MICAL3: variants seen among roughly 807,000 people sequenced by gnomAD.
MICAL3 encodes microtubule associated monooxygenase, calponin and LIM domain containing 3, also known as [F-actin]-monooxygenase MICAL3.
MICAL3 carries 62 observed loss-of-function variants against 207.4 expected under a neutral mutation model. That is an observed-to-expected ratio of 0.30 (90% CI 0.24 to 0.37). The LOEUF is 0.37. Among genes scored for constraint, MICAL3 ranks in the 10% least tolerant of loss-of-function variants. The probability of loss-of-function intolerance (pLI) is 1.00; values close to 1 mark genes in which losing one functional copy is unlikely to be tolerated. For missense variants in MICAL3, 2,368 were observed against 2,635.6 expected (o/e 0.90, Z 2.22); for synonymous variants, 1,077 against 1,069.3 (o/e 1.01, Z -0.14).
chr22:17,817,769 C>A lies in MICAL3; in HGVS notation c.4892G>T (p.Arg1631Met). Residue 1631 changes from arginine to methionine, a missense_variant, in exon 26 of 32, where the codon AGG becomes ATG. Transcript: ENST00000441493. ...GGGTGCTGAGGACGCCTTGCGGGGCCTGGGGGCGCCTGAGGCCAGCTCCAT... is the reference window on the plus strand; with the variant it reads ...GGGTGCTGAGGACGCCTTGCGGGGCATGGGGGCGCCTGAGGCCAGCTCCAT... ...QQMELASGAPRPRKASSAPSQ... is the reference protein window; with the variant it reads ...QQMELASGAPMPRKASSAPSQ... 6.3e-7 allele frequency: 1 copy of A among 1,595,648 alleles called. No homozygotes were observed. Among genetic ancestry groups the A allele is most frequent in the Non-Finnish European group, 8.5e-7 (1 of 1,170,682 alleles).
At chr22:17,903,733 C>T (rs1420942525) in intron 3 of MICAL3, among the ~76,000 whole-genome samples, 1 of 152,214 alleles carries the variant, frequency 6.6e-6, no homozygotes, top group East Asian at 1.9e-4. Context: ...GGGCAGAGGG[C>T]TTCCTCTGCC....
chr22:17,861,497 A>C (rs146414364), intron 19 of MICAL3: 21 of 985,266 alleles, frequency 2.1e-5, no homozygotes, highest in African/African-American at 3.5e-5. Flanking sequence ...TCCCTACTTC[A>C]TTTTTGGTCA....
chr22:17,807,355 C>A (rs2061999432), intron 29 of MICAL3, among the ~76,000 whole-genome samples: 1 of 152,236 alleles, frequency 6.6e-6, no homozygotes. Flanking sequence ...GGCAGGGGCA[C>A]CGCAGGTTCG....
intron 16 of MICAL3, among the ~76,000 whole-genome samples, chr22:17,885,377 G>T (rs1382645434): frequency 6.6e-6 from 1 of 152,050 alleles, no homozygotes; most frequent in Non-Finnish European, 1.5e-5. Context: ...GAACAACATG[G>T]GAACGCCTAC....
chr22:17,989,558 C>T (rs1921430099), intron 1 of MICAL3, among the ~76,000 whole-genome samples: 2 of 152,134 alleles, frequency 1.3e-5, no homozygotes, highest in African/African-American at 4.8e-5. Context: ...ATGCTGCTCA[C>T]GCTCAACCCT....
intron 29 of MICAL3, among the ~76,000 whole-genome samples, chr22:17,805,175 C>T (rs2061977553): frequency 6.6e-6 from 1 of 152,224 alleles, no homozygotes; most frequent in Non-Finnish European, 1.5e-5. Flanking sequence ...GGGCAGACTG[C>T]CATGATGAGA....
At chr22:17,962,264 C>T (rs1020973840) in intron 1 of MICAL3, among the ~76,000 whole-genome samples, 2 of 152,214 alleles carry the variant, frequency 1.3e-5, no homozygotes, top group Admixed American at 6.5e-5. Flanking sequence ...ATGTCCTCAA[C>T]TGGGCAGGCA....
intron 7 of MICAL3, 44 bp from the exon 8 acceptor site, chr22:17,897,025 C>G: frequency 6.4e-7 from 1 of 1,568,152 alleles, no homozygotes. Context: ...GAAGCTCTGG[C>G]ACTCAGCCAG....
At chr22:17,947,568 A>AT (rs1470848871) in intron 1 of MICAL3, among the ~76,000 whole-genome samples, 2 of 152,052 alleles carry the variant, frequency 1.3e-5, no homozygotes, top group Non-Finnish European at 2.9e-5. Context: ...TCAAGATCAA[A>AT]TTTTTATCTT....
At chr22:17,933,984 G>A (rs990188762) in intron 1 of MICAL3, among the ~76,000 whole-genome samples, 1 of 152,082 alleles carries the variant, frequency 6.6e-6, no homozygotes, top group African/African-American at 2.4e-5. Context: ...GTAATTAACA[G>A]CCTAGCAACC....
intron 1 of MICAL3, among the ~76,000 whole-genome samples, chr22:17,925,161 A>C (rs907699453): frequency 6.6e-6 from 1 of 152,140 alleles, no homozygotes; most frequent in African/African-American, 2.4e-5. Context: ...AGCACCTGAG[A>C]GAGCAAGGGG....
At position 17,845,692 on chromosome 22, in the gene MICAL3, A is replaced by G. The variant is rs555284118; in HGVS notation, c.2606-3675T>C. Among the ~76,000 whole-genome samples, 19 of 152,348 alleles carry G rather than the reference A, an allele frequency of 1.2e-4. No individual in the cohort carries two copies. The East Asian group carries it at 3.1e-3, about 25-fold the overall frequency. ...AGCCAAGATCTGAACATGAGGAGGA[A>G]AGGCATCACTCAGGAGATCACCATG... On this transcript the variant is annotated intron_variant, in intron 19 of 31. Transcript: ENST00000441493.
At chr22:17,895,601 G>A (rs912526542) in intron 9 of MICAL3, among the ~76,000 whole-genome samples, 191 bp from the exon 10 acceptor site, 7 of 151,894 alleles carry the variant, frequency 4.6e-5, no homozygotes, top group African/African-American at 1.7e-4. Flanking sequence ...CACAGGAACC[G>A]ACCGGGTAAG....
intron 20 of MICAL3, among the ~76,000 whole-genome samples, chr22:17,836,360 T>C (rs1009145278): frequency 1.3e-5 from 2 of 152,212 alleles, no homozygotes; most frequent in Non-Finnish European, 2.9e-5. Context: ...GCTGCTTTTA[T>C]AAATGACAAG....
chr22:17,843,120 C>CAAAAA (rs71966425), intron 19 of MICAL3, among the ~76,000 whole-genome samples: 15,832 of 62,378 alleles, frequency 0.25, 1,944 homozygotes, highest in Non-Finnish European at 0.29. Context: ...GACTTCATCT[C>CAAAAA]AAAAAAAAAA....
intron 25 of MICAL3, among the ~76,000 whole-genome samples, chr22:17,819,392 T>G (rs891515407): frequency 6.6e-6 from 1 of 152,184 alleles, no homozygotes; most frequent in South Asian, 2.1e-4. Flanking sequence ...ATACATCCTA[T>G]ATTCTTTGTC....
intron 19 of MICAL3, chr22:17,842,229 C>A: frequency 1.7e-6 from 1 of 593,784 alleles, no homozygotes; most frequent in East Asian, 2.8e-5. Context: ...CCCTGTCTGC[C>A]CTCCAGGTCA....
At chr22:17,913,690 T>TA (rs1165423777) in intron 1 of MICAL3, among the ~76,000 whole-genome samples, 1 of 152,122 alleles carries the variant, frequency 6.6e-6, no homozygotes, top group East Asian at 1.9e-4. Context: ...TCCTAACACT[T>TA]ATGTTGTATC....
At chr22:17,936,688 T>C (rs1933547904) in intron 1 of MICAL3, among the ~76,000 whole-genome samples, 1 of 152,146 alleles carries the variant, frequency 6.6e-6, no homozygotes. Context: ...CTTAAAAATA[T>C]CTGTGGATTA....
Sources: gnomAD v4.1 joint callset for allele counts (sites outside exome capture counted in the v4.1 genomes callset) on GRCh38, gnomAD v4.1.1 for gene constraint, MANE v1.5 for transcripts, NCBI Gene and HGNC (gene_info 2026-07-23, HGNC 2026-07-21) for gene names.